SLC39A12: variants seen among roughly 807,000 people sequenced by gnomAD.
The protein encoded by SLC39A12 is zinc transporter ZIP12.
In SLC39A12, 63 loss-of-function variants were observed where a neutral mutation model predicts 71.1. The observed-to-expected ratio is 0.89, with a 90% CI of 0.72 to 1.09. The LOEUF (loss-of-function observed/expected upper bound fraction) is 1.09. Among genes scored for constraint, SLC39A12 ranks in the 50% least tolerant of loss-of-function variants. SLC39A12 has a pLI of 0.00. For missense variants in SLC39A12, 892 were observed against 812.6 expected (o/e 1.10, Z -1.19); for synonymous variants, 351 against 301.3 (o/e 1.16, Z -1.71).
At chr10:17,989,066 G>A (rs1300942654) in intron 7 of SLC39A12, among the ~76,000 whole-genome samples, 1 of 152,172 alleles carries the variant, frequency 6.6e-6, no homozygotes, top group Non-Finnish European at 1.5e-5. Context: ...TCCTGTTGAC[G>A]TGTGCTGAGG....
intron 12 of SLC39A12, among the ~76,000 whole-genome samples, chr10:18,020,370 G>T (rs1276935224): frequency 6.6e-6 from 1 of 151,990 alleles, no homozygotes; most frequent in Admixed American, 6.6e-5. Flanking sequence ...CTCCACCATT[G>T]TCAGGCATTT....
chr10:17,961,689 C>A lies in SLC39A12; in HGVS notation c.370C>A (p.His124Asn). 1 of 1,613,946 alleles carries A rather than the reference C, an allele frequency of 6.2e-7. No homozygotes were observed. The highest frequency in any genetic ancestry group is 8.5e-7 in the Non-Finnish European group (1 of 1,179,866). ...TCTTCTCCTTCTCTATTACATTATT[C>A]ATCAGGAAGAGATCTGTTCTTCAAA... ...VSLLLLYYII[H>N]QEEICSSKLN... The change falls in exon 3 of 13, where the codon CAT becomes AAT. Residue 124 changes from histidine (H) to asparagine (N), a missense_variant. By Grantham distance (68) the His-to-Asn change is moderately conservative (BLOSUM62 1). Transcript: ENST00000377369.
intron 4 of SLC39A12, among the ~76,000 whole-genome samples, chr10:17,970,980 A>G (rs756995188): frequency 1.3e-5 from 2 of 152,014 alleles, no homozygotes; most frequent in South Asian, 2.1e-4. Flanking sequence ...TGTTCCTTCT[A>G]TACCCCATTT....
chr10:17,992,242 TA>T (rs1359048900), intron 8 of SLC39A12, among the ~76,000 whole-genome samples: 1 of 152,120 alleles, frequency 6.6e-6, no homozygotes, highest in Non-Finnish European at 1.5e-5. Flanking sequence ...AGCTACATGA[TA>T]AAATAGATTT....
chr10:18,036,782 ATATATATATATATT>A (rs1265898577), intron 12 of SLC39A12, among the ~76,000 whole-genome samples: 3 of 7,272 alleles, frequency 4.1e-4, no homozygotes, highest in Non-Finnish European at 9.4e-4. Flanking sequence ...ATATATATAT[ATATATATATATATT>A]TTTTTTTTTA....
chr10:18,025,466 G>A (rs975384256), intron 12 of SLC39A12, among the ~76,000 whole-genome samples: 4 of 151,926 alleles, frequency 2.6e-5, no homozygotes, highest in South Asian at 2.1e-4. Flanking sequence ...TCCCACCTAC[G>A]AGTGAGAACA....
At chr10:18,021,018 G>A (rs1836519000) in intron 12 of SLC39A12, among the ~76,000 whole-genome samples, 1 of 152,022 alleles carries the variant, frequency 6.6e-6, no homozygotes, top group Non-Finnish European at 1.5e-5. Flanking sequence ...AATTGCTTTT[G>A]GAGTCTCTGT....
At chr10:18,041,067 A>C (rs962449255) in intron 12 of SLC39A12, among the ~76,000 whole-genome samples, 9 of 152,126 alleles carry the variant, frequency 5.9e-5, no homozygotes, top group Non-Finnish European at 1.2e-4. Context: ...TAAATCTCCA[A>C]TCCTTGTTGA....
intron 12 of SLC39A12, among the ~76,000 whole-genome samples, chr10:18,022,169 C>T (rs1015200342): frequency 6.6e-6 from 1 of 152,126 alleles, no homozygotes; most frequent in African/African-American, 2.4e-5. Flanking sequence ...ATGTCAACCC[C>T]TGTAGTAAGG....
At position 17,991,200 on chromosome 10, in the gene SLC39A12, A is replaced by G. The variant is rs370743816; in HGVS notation, c.1319A>G (p.Glu440Gly). ...QEAPEFGHFH[E>G]SKGHIWKLMG... Reference sequence around the variant, plus strand: ...GCCCCAGAATTTGGGCATTTCCATGAAAGCAAAGGTCATATTTGGAAACTG... The same window carrying G: ...GCCCCAGAATTTGGGCATTTCCATGGAAGCAAAGGTCATATTTGGAAACTG... The change falls in exon 8 of 13, where the codon GAA becomes GGA. Residue 440 changes from glutamate (E) to glycine (G), a missense_variant. Coordinates refer to ENST00000377369, the MANE Select transcript of SLC39A12 (RefSeq NM_001145195.2). The G allele has an allele frequency of 3.5e-5, 56 of 1,587,972 alleles. No individual in the cohort carries two copies. The highest frequency in any genetic ancestry group is 1.7e-4 in the Middle Eastern group (1 of 6,012).
chr10:17,965,602 T>A lies in SLC39A12; in HGVS notation c.663T>A (p.Cys221Ter). 6.2e-7 allele frequency: 1 copy of A among 1,614,208 alleles called. No individual in the cohort carries two copies. The highest frequency in any genetic ancestry group is 1.7e-5 in the Admixed American group (1 of 60,034). Reference sequence around the variant, plus strand: ...TTACTTTGTCCCTCCAGGGTGTTTGTCTGGGACAAGGAAACTTGCCTTCCC... The same window carrying A: ...TTACTTTGTCCCTCCAGGGTGTTTGACTGGGACAAGGAAACTTGCCTTCCC... ...MIITLSLQGV[C>*]LGQGNLPSPD... The change falls in exon 4 of 13, where the codon TGT (cysteine) becomes TGA (stop). Residue 221 changes from cysteine to a stop codon, truncating the protein, a stop_gained. Transcript: ENST00000377369. LOFTEE classifies it high-confidence loss of function.
chr10:18,028,079 C>A (rs1247234796), intron 12 of SLC39A12, among the ~76,000 whole-genome samples: 5 of 152,160 alleles, frequency 3.3e-5, no homozygotes, highest in Non-Finnish European at 7.4e-5. Context: ...CTTTTAGGAT[C>A]CCTCTTGGAA....
intron 7 of SLC39A12, among the ~76,000 whole-genome samples, chr10:17,989,427 C>G (rs1403742843): frequency 1.3e-5 from 2 of 152,176 alleles, no homozygotes; most frequent in Non-Finnish European, 2.9e-5. Context: ...TTCTAGGTCA[C>G]AGCAGCGGTA....
chr10:18,010,799 A>G (rs73607860), intron 12 of SLC39A12, among the ~76,000 whole-genome samples: 17,726 of 152,118 alleles, frequency 0.12, 2,598 homozygotes, highest in African/African-American at 0.34. Flanking sequence ...CTAGAACAAC[A>G]TGGGTTTGAA....
chr10:17,991,925 C>G (rs1384706240), intron 8 of SLC39A12, among the ~76,000 whole-genome samples: 2 of 151,676 alleles, frequency 1.3e-5, no homozygotes, highest in Non-Finnish European at 1.5e-5. Flanking sequence ...GCTGTCTGTA[C>G]TGAAAATACA....
intron 6 of SLC39A12, among the ~76,000 whole-genome samples, chr10:17,985,033 G>C (rs1835365208): frequency 6.6e-6 from 1 of 152,102 alleles, no homozygotes; most frequent in African/African-American, 2.4e-5. Context: ...CTATTTTTCT[G>C]TTACCAGTTA....
At chr10:17,969,844 C>G (rs147791484) in intron 4 of SLC39A12, among the ~76,000 whole-genome samples, 1 of 152,138 alleles carries the variant, frequency 6.6e-6, no homozygotes, top group Admixed American at 6.6e-5. Flanking sequence ...GAGTATTACT[C>G]AGGAAATTTT....
intron 12 of SLC39A12, chr10:18,007,105 C>G (rs889518675): frequency 6.6e-6 from 1 of 152,294 alleles, no homozygotes; most frequent in African/African-American, 2.4e-5. Context: ...TCATAGAAAA[C>G]AATAAGTGGA....
At chr10:18,019,668 G>A (rs1402179303) in intron 12 of SLC39A12, among the ~76,000 whole-genome samples, 1 of 151,882 alleles carries the variant, frequency 6.6e-6, no homozygotes, top group Non-Finnish European at 1.5e-5. Flanking sequence ...TAACTCATGT[G>A]TTATTTAGAG....
Sources: gnomAD v4.1 joint callset for allele counts (sites outside exome capture counted in the v4.1 genomes callset) on GRCh38, gnomAD v4.1.1 for gene constraint, MANE v1.5 for transcripts, NCBI Gene and HGNC (gene_info 2026-07-23, HGNC 2026-07-21) for gene names.